LIMCH1: variants seen among roughly 807,000 people sequenced by gnomAD.
The protein encoded by LIMCH1 is LIM and calponin homology domains 1.
In LIMCH1, 113 loss-of-function variants were observed where a neutral mutation model predicts 176.5. That is an observed-to-expected ratio of 0.64 (90% CI 0.55 to 0.75). The LOEUF is 0.75. Ranked by LOEUF, LIMCH1 falls within the 30% of genes least tolerant of loss-of-function variation. LIMCH1 has a pLI of 0.00. For missense variants in LIMCH1, 1,674 were observed against 1,814.9 expected, an observed-to-expected ratio of 0.92 and a Z score of 1.41; for synonymous variants, 619 against 645.9, an observed-to-expected ratio of 0.96 and a Z score of 0.63.
At chr4:41,674,056 C>G (rs1324094862) in intron 22 of LIMCH1, among the ~76,000 whole-genome samples, 2 of 152,280 alleles carry the variant, frequency 1.3e-5, no homozygotes, top group East Asian at 1.9e-4. Flanking sequence ...AAAGAAGGAG[C>G]AAGATCATTG....
chr4:41,395,229 A>ATTTT (rs757933680), intron 1 of LIMCH1, among the ~76,000 whole-genome samples: 2 of 130,906 alleles, frequency 1.5e-5, no homozygotes, highest in Admixed American at 7.8e-5. Flanking sequence ...GTAGAAGTTA[A>ATTTT]TTTTTTTTTT....
intron 1 of LIMCH1, among the ~76,000 whole-genome samples, chr4:41,586,371 A>T (rs1045879170): frequency 1.7e-4 from 26 of 151,840 alleles, no homozygotes. Flanking sequence ...TGGCCTCCCA[A>T]AGTGCTAGGA....
intron 1 of LIMCH1, among the ~76,000 whole-genome samples, chr4:41,415,850 G>A (rs1034566739): frequency 1.3e-5 from 2 of 152,118 alleles, no homozygotes; most frequent in East Asian, 3.9e-4. Flanking sequence ...GGTGGCACGC[G>A]CCTGTAATCC....
intron 1 of LIMCH1, among the ~76,000 whole-genome samples, chr4:41,379,663 A>G (rs1388057200): frequency 2.6e-5 from 4 of 152,268 alleles, no homozygotes; most frequent in African/African-American, 9.6e-5. Context: ...TGTTTTATAT[A>G]TAAGGGATTC....
intron 4 of LIMCH1, among the ~76,000 whole-genome samples, chr4:41,609,173 G>A (rs1386996334): frequency 6.6e-6 from 1 of 151,992 alleles, no homozygotes; most frequent in Non-Finnish European, 1.5e-5. Flanking sequence ...AGCATGGTGG[G>A]CAAGCAGATG....
chr4:41,404,643 G>A (rs980711796), intron 1 of LIMCH1, among the ~76,000 whole-genome samples: 2 of 152,082 alleles, frequency 1.3e-5, no homozygotes, highest in Non-Finnish European at 2.9e-5. Flanking sequence ...GCTGGGCGTG[G>A]TGGTGGGCGC....
chr4:41,562,961 A>G (rs1277637141), intron 1 of LIMCH1, among the ~76,000 whole-genome samples: 1 of 152,188 alleles, frequency 6.6e-6, no homozygotes, highest in East Asian at 1.9e-4. Flanking sequence ...CCCCAATTAT[A>G]GCTTTTTAAC....
chr4:41,485,313 C>T (rs1353447871), intron 1 of LIMCH1, among the ~76,000 whole-genome samples: 2 of 152,238 alleles, frequency 1.3e-5, no homozygotes, highest in African/African-American at 2.4e-5. Flanking sequence ...CCTCTTGCTT[C>T]TGCTTTTGGT....
intron 2 of LIMCH1, among the ~76,000 whole-genome samples, chr4:41,522,940 C>G (rs543167592): frequency 6.6e-6 from 1 of 152,220 alleles, no homozygotes; most frequent in East Asian, 1.9e-4. Context: ...CAGCTTGGCT[C>G]TCCGTGGGCA....
chr4:41,615,245 C>T (rs2091933659), intron 5 of LIMCH1, among the ~76,000 whole-genome samples: 2 of 152,108 alleles, frequency 1.3e-5, no homozygotes, highest in Admixed American at 1.3e-4. Flanking sequence ...GCATTTTCTT[C>T]ATCCTGTGTT....
chr4:41,502,131 A>C (rs1357534025), intron 2 of LIMCH1, among the ~76,000 whole-genome samples: 1 of 139,046 alleles, frequency 7.2e-6, no homozygotes, highest in Non-Finnish European at 1.5e-5. Flanking sequence ...CTCATCATTC[A>C]GCTCCCCCTT....
At chr4:41,497,016 T>C (rs928410108) in intron 2 of LIMCH1, among the ~76,000 whole-genome samples, 3 of 152,214 alleles carry the variant, frequency 2.0e-5, no homozygotes, top group Non-Finnish European at 4.4e-5. Context: ...CAATTTCAAA[T>C]TTTGAAAACT....
At chr4:41,485,179 T>A (rs2069300945) in intron 1 of LIMCH1, among the ~76,000 whole-genome samples, 2 of 152,200 alleles carry the variant, frequency 1.3e-5, no homozygotes, top group Middle Eastern at 3.2e-3. Context: ...TTCAGAGCAG[T>A]GCCATTGACA....
At chr4:41,495,534 C>T (rs1430472905) in intron 2 of LIMCH1, among the ~76,000 whole-genome samples, 1 of 152,134 alleles carries the variant, frequency 6.6e-6, no homozygotes, top group Admixed American at 6.5e-5. Flanking sequence ...ATAGAATAAA[C>T]TCCTGTTTTT....
At chr4:41,624,808 A>G (rs1016601505) in intron 7 of LIMCH1, among the ~76,000 whole-genome samples, 4 of 152,168 alleles carry the variant, frequency 2.6e-5, no homozygotes, top group Non-Finnish European at 5.9e-5. Context: ...ACTTTGAAAT[A>G]TATAAGCCTC....
At chr4:41,472,350 C>G (rs2067096452) in intron 1 of LIMCH1, among the ~76,000 whole-genome samples, 1 of 150,364 alleles carries the variant, frequency 6.7e-6, no homozygotes, top group African/African-American at 2.5e-5. Flanking sequence ...GCCTCCCTCC[C>G]TGCCCCTCCC....
chr4:41,683,080 TTGAAA>T (rs750705254), intron 26 of LIMCH1, among the ~76,000 whole-genome samples: 4 of 152,122 alleles, frequency 2.6e-5, no homozygotes, highest in Non-Finnish European at 4.4e-5. Flanking sequence ...TATTACTCAC[TTGAAA>T]TGATGAATGT....
At position 41,689,740 on chromosome 4, in the gene LIMCH1, G is replaced by A. The variant is rs550176424; in HGVS notation, c.4275+105G>A. 2.7e-4 allele frequency: 191 copies of A among 712,238 alleles called. 3 individuals carry two copies. The South Asian group carries it at 2.7e-3, about 10-fold the overall frequency. The allele number at this position is 712,238 out of a possible 1,614,324, so 44.1% of individuals were successfully genotyped here. On this transcript the variant is annotated intron_variant, in intron 30 of 31. Transcript: ENST00000503057. ...GGAAATTCTGGAGGGCTTTGTCTGT[G>A]AGGTCTCACTGTCTAGGTTGTATAG...
At chr4:41,434,807 A>G (rs1161312623) in intron 1 of LIMCH1, among the ~76,000 whole-genome samples, 2 of 152,252 alleles carry the variant, frequency 1.3e-5, no homozygotes, top group Non-Finnish European at 2.9e-5. Flanking sequence ...GTGAGCCACC[A>G]TACCCAGCCC....
Sources: gnomAD v4.1 joint callset for allele counts (sites outside exome capture counted in the v4.1 genomes callset) on GRCh38, gnomAD v4.1.1 for gene constraint, MANE v1.5 for transcripts, NCBI Gene and HGNC (gene_info 2026-07-23, HGNC 2026-07-21) for gene names.